EDIL3: variants seen among roughly 807,000 people sequenced by gnomAD.
EDIL3 encodes EGF-like repeat and discoidin I-like domain-containing protein 3.
A neutral mutation model predicts 67.4 loss-of-function variants in EDIL3; 37 were observed. That is an observed-to-expected ratio of 0.55 (90% CI 0.42 to 0.72). The LOEUF is 0.72. Ranked by LOEUF, EDIL3 falls within the 30% of genes least tolerant of loss-of-function variation. The pLI is 0.00. For missense variants in EDIL3, 527 were observed against 586.3 expected, an observed-to-expected ratio of 0.90 and a Z score of 1.04; for synonymous variants, 195 against 196.3, an observed-to-expected ratio of 0.99 and a Z score of 0.05.
chr5:84,339,833 C>G lies in EDIL3; in HGVS notation c.67+44475G>C, dbSNP rs117861125. On this transcript the variant is annotated intron_variant, in intron 1 of 10. Coordinates refer to ENST00000296591, the MANE Select transcript of EDIL3 (RefSeq NM_005711.5). ...GAAAAGAAAAGAAATGAGGGGCAGG[C>G]TATCCTAGAGACACTTTCTTAAGTA... 4.2e-4 allele frequency among the ~76,000 whole-genome samples: 64 copies of G among 152,104 alleles called. 2 individuals carry two copies. The East Asian group carries it at 0.012, about 29-fold the overall frequency.
intron 9 of EDIL3, among the ~76,000 whole-genome samples, chr5:83,974,979 C>T (rs909847487): frequency 1.6e-4 from 24 of 151,764 alleles, no homozygotes; most frequent in African/African-American, 5.8e-4. Context: ...AGTATAGAAC[C>T]AGATGTTGAA....
chr5:83,999,821 A>G (rs564417122), intron 9 of EDIL3, among the ~76,000 whole-genome samples: 1 of 152,206 alleles, frequency 6.6e-6, no homozygotes, highest in Admixed American at 6.5e-5. Flanking sequence ...GATTGAAACC[A>G]AAGAAAACTA....
chr5:84,348,534 T>C (rs901544237), intron 1 of EDIL3, among the ~76,000 whole-genome samples: 3 of 152,066 alleles, frequency 2.0e-5, no homozygotes, highest in African/African-American at 7.2e-5. Flanking sequence ...ACTTTGGTTT[T>C]ATGAAATCTA....
chr5:84,368,887 T>C (rs1321485841), intron 1 of EDIL3, among the ~76,000 whole-genome samples: 2 of 151,976 alleles, frequency 1.3e-5, no homozygotes, highest in Non-Finnish European at 2.9e-5. Flanking sequence ...ACATCACTAA[T>C]AGTTGGGAAA....
intron 9 of EDIL3, among the ~76,000 whole-genome samples, chr5:84,054,492 T>C (rs1478026555): frequency 6.6e-6 from 1 of 152,144 alleles, no homozygotes; most frequent in Non-Finnish European, 1.5e-5. Context: ...TAAAGGGTAT[T>C]CAATTAGGAG....
At chr5:84,284,815 T>C (rs115156854) in intron 1 of EDIL3, among the ~76,000 whole-genome samples, 2,054 of 152,264 alleles carry the variant, frequency 0.013, 55 homozygotes, top group African/African-American at 0.047. Flanking sequence ...GCTATCTTTG[T>C]TTTCAGTATA....
chr5:83,976,550 CA>C (rs1456425692), intron 9 of EDIL3, among the ~76,000 whole-genome samples: 2 of 151,872 alleles, frequency 1.3e-5, no homozygotes, highest in East Asian at 3.9e-4. Flanking sequence ...AATTTTAAAT[CA>C]TGAATGACTC....
intron 3 of EDIL3, among the ~76,000 whole-genome samples, chr5:84,195,060 C>T (rs770408415): frequency 6.6e-6 from 1 of 151,882 alleles, no homozygotes; most frequent in Non-Finnish European, 1.5e-5. Flanking sequence ...ACAGTGTTTT[C>T]ATGATACAAG....
At chr5:84,112,282 T>C (rs1747578575) in intron 5 of EDIL3, among the ~76,000 whole-genome samples, 1 of 152,052 alleles carries the variant, frequency 6.6e-6, no homozygotes, top group Non-Finnish European at 1.5e-5. Context: ...CAGTTGTCCA[T>C]GTGAAAAATA....
intron 9 of EDIL3, among the ~76,000 whole-genome samples, chr5:84,034,284 C>T (rs1189762495): frequency 6.6e-6 from 1 of 152,146 alleles, no homozygotes; most frequent in African/African-American, 2.4e-5. Context: ...AAGAATGCCA[C>T]TCCTTTCTCA....
intron 5 of EDIL3, among the ~76,000 whole-genome samples, chr5:84,126,321 C>A (rs1326351004): frequency 6.6e-6 from 1 of 151,930 alleles, no homozygotes; most frequent in Admixed American, 6.6e-5. Flanking sequence ...AACAGATAAA[C>A]CATTAACTCA....
At chr5:84,145,202 G>C (rs573044505) in intron 4 of EDIL3, among the ~76,000 whole-genome samples, 1 of 152,242 alleles carries the variant, frequency 6.6e-6, no homozygotes, top group African/African-American at 2.4e-5. Flanking sequence ...AAAAGCAGTA[G>C]TTTTGCCTAA....
chr5:84,353,589 AT>A (rs1459967123), intron 1 of EDIL3, among the ~76,000 whole-genome samples: 1 of 152,180 alleles, frequency 6.6e-6, no homozygotes, highest in Non-Finnish European at 1.5e-5. Context: ...GAAAATTAAA[AT>A]TTCCCTAGTA....
intron 6 of EDIL3, among the ~76,000 whole-genome samples, chr5:84,098,174 C>T (rs1004749650): frequency 2.0e-5 from 3 of 151,210 alleles, no homozygotes; most frequent in African/African-American, 7.3e-5. Context: ...CATTGTGGTA[C>T]TATTAATAAT....
intron 3 of EDIL3, among the ~76,000 whole-genome samples, chr5:84,188,386 C>A (rs1196146622): frequency 6.6e-6 from 1 of 151,924 alleles, no homozygotes; most frequent in East Asian, 1.9e-4. Flanking sequence ...TCTGGTGGCT[C>A]CTGGCATTCC....
chr5:84,317,677 C>T (rs1746543784), intron 1 of EDIL3, among the ~76,000 whole-genome samples: 1 of 151,984 alleles, frequency 6.6e-6, no homozygotes, highest in African/African-American at 2.4e-5. Flanking sequence ...ATAAAAAGAG[C>T]TATTTATGAC....
Position 84,215,571 on chromosome 5 carries a change from A to T in EDIL3, c.226+14284T>A, listed in dbSNP as rs182654720. ...CCAGTTAAGATGGGCAGATATTTTT[A>T]AAAAAATTAATAATATTAAAAATAC... On this transcript the variant is annotated intron_variant, in intron 3 of 10. Transcript: ENST00000296591. 2.0e-3 allele frequency among the ~76,000 whole-genome samples: 304 copies of T among 152,284 alleles called. 3 individuals carry two copies. Among genetic ancestry groups the T allele is most frequent in the South Asian group, 0.014 (69 of 4,824 alleles).
At position 84,273,312 on chromosome 5, in the gene EDIL3, G is replaced by A. The variant is rs1180762586; in HGVS notation, c.68-19100C>T. Among the ~76,000 whole-genome samples, 5 of 152,082 alleles carry A rather than the reference G, an allele frequency of 3.3e-5. No homozygotes were observed. In the East Asian group the frequency reaches 7.8e-4, roughly 24 times the overall value. On this transcript the variant is annotated intron_variant, in intron 1 of 10. Transcript: ENST00000296591. ...CCTGAATCAATCACTCTGCCAAAGAGAAAGGGATTTCCTTTAGAACAATTG... is the reference window on the plus strand; with the variant it reads ...CCTGAATCAATCACTCTGCCAAAGAAAAAGGGATTTCCTTTAGAACAATTG...
chr5:84,069,031 T>C (rs558674201), intron 6 of EDIL3, among the ~76,000 whole-genome samples: 1 of 152,316 alleles, frequency 6.6e-6, no homozygotes, highest in East Asian at 1.9e-4. Flanking sequence ...AAGGTGATCT[T>C]AATTTTATTC....
Sources: gnomAD v4.1 joint callset for allele counts (sites outside exome capture counted in the v4.1 genomes callset) on GRCh38, gnomAD v4.1.1 for gene constraint, MANE v1.5 for transcripts, NCBI Gene and HGNC (gene_info 2026-07-23, HGNC 2026-07-21) for gene names.